The following CDH23 variants were observed in gnomAD, a reference collection of about 807,000 sequenced individuals.
CDH23 encodes cadherin related 23.
CDH23 carries 189 observed loss-of-function variants against 317.1 expected under a neutral mutation model. The ratio of observed to expected loss-of-function variants is 0.60; its 90% CI spans 0.53 to 0.67. The LOEUF (loss-of-function observed/expected upper bound fraction) is 0.67, where lower values mean the gene tolerates loss of function less well. CDH23 is among the 30% of genes least tolerant of loss of function. The probability of loss-of-function intolerance (pLI) is 0.00; values close to 1 mark genes in which losing one functional copy is unlikely to be tolerated. For synonymous variants in CDH23, 1,839 were observed against 1,876.8 expected (o/e 0.98, Z 0.52); for missense variants, 4,401 against 4,592.4 (o/e 0.96, Z 1.20).
chr10:71,733,686 G>A (rs1839464795), intron 32 of CDH23, among the ~76,000 whole-genome samples: 1 of 152,232 alleles, frequency 6.6e-6, no homozygotes, highest in South Asian at 2.1e-4. Flanking sequence ...AGACATAAAT[G>A]CTGGGCTTCA....
chr10:71,677,015 CTCAAAG>C (rs1042982321), intron 15 of CDH23, among the ~76,000 whole-genome samples: 7 of 152,196 alleles, frequency 4.6e-5, no homozygotes, highest in Admixed American at 1.3e-4. Context: ...GGCTCATTTC[CTCAAAG>C]TCAAGGGGCA....
chr10:71,410,524 C>T (rs1468677439), intron 1 of CDH23, among the ~76,000 whole-genome samples: 1 of 152,132 alleles, frequency 6.6e-6, no homozygotes, highest in Non-Finnish European at 1.5e-5. Context: ...CTTAAGGCAA[C>T]TTTTTAAATG....
intron 6 of CDH23, among the ~76,000 whole-genome samples, chr10:71,533,525 C>CCCCACACACACA (rs1249775933): frequency 2.8e-4 from 37 of 130,820 alleles, no homozygotes; most frequent in African/African-American, 1.1e-3. Flanking sequence ...TGGCTGGACA[C>CCCCACACACACA]CACACACACA....
rs1861233269 is a variant in CDH23, at chr10:71,617,201, A to G, written c.946-4A>G. On this transcript the variant is annotated splice_region_variant and splice_polypyrimidine_tract_variant and intron_variant, in intron 10 of 69. Coordinates refer to ENST00000224721, the MANE Select transcript of CDH23 (RefSeq NM_022124.6). ...ACTCCGGGGTGACTGATCTCTGTCC[A>G]TAGGGCACGGAGCTGAACGATGACC... 2 of 1,611,398 alleles carry G rather than the reference A, an allele frequency of 1.2e-6. No homozygotes were observed. The highest frequency in any genetic ancestry group is 1.1e-5 in the South Asian group (1 of 90,960).
At position 71,739,649 on chromosome 10, in the gene CDH23, C is replaced by A. The variant is rs2132844039; in HGVS notation, c.4365C>A (p.Val1455=). 6.2e-7 allele frequency: 1 copy of A among 1,612,896 alleles called. No homozygotes were observed. The highest frequency in any genetic ancestry group is 1.1e-5 in the South Asian group (1 of 90,788). ...ACCCTCTCTTCTCCCCACAGGTGGT[C>A]TTCTCCCTGGCCTCTGGCAACATCG... The part of the protein sequence containing the change: ...DPDAGSNGQV[V]FSLASGNIAG... The change falls in exon 36 of 70, where the codon GTC becomes GTA. Residue 1455 remains valine, a synonymous_variant. Transcript: ENST00000224721.
At chr10:71,721,694 C>T (rs7070583) in intron 28 of CDH23, among the ~76,000 whole-genome samples, 8,249 of 152,258 alleles carry the variant, frequency 0.054, 354 homozygotes, top group African/African-American at 0.11. Context: ...GGATGTGCAT[C>T]GAGGCCAGCG....
intron 66 of CDH23, 38 bp downstream of exon 66, chr10:71,812,053 G>T (rs546057140): frequency 1.2e-6 from 2 of 1,613,936 alleles, no homozygotes; most frequent in Non-Finnish European, 1.7e-6. Flanking sequence ...CCCCTGCGGG[G>T]AGTCCTGCCA....
Position 71,784,917 on chromosome 10 carries a change from C to T in CDH23, c.5529C>T (p.Asp1843=), listed in dbSNP as rs757656235. 2 of 1,614,016 alleles carry T rather than the reference C, an allele frequency of 1.2e-6. No homozygotes were observed. The highest frequency in any genetic ancestry group is 1.7e-6 in the Non-Finnish European group (2 of 1,179,874). ...TGCTGGTGGGGATCCGGGTGCTGGA[C>T]ATCAACGACAACGACCCTGTGCTGC... ...STMLVGIRVL[D]INDNDPVLLN... Residue 1843 remains aspartate, a synonymous_variant, in exon 43 of 70, where the codon GAC becomes GAT. Coordinates refer to ENST00000224721, the MANE Select transcript of CDH23 (RefSeq NM_022124.6).
chr10:71,416,721 G>A (rs1848549157), intron 1 of CDH23, among the ~76,000 whole-genome samples: 1 of 151,752 alleles, frequency 6.6e-6, no homozygotes, highest in Non-Finnish European at 1.5e-5. Context: ...GCTAGAGTGT[G>A]CAGTGGTGTG....
At chr10:71,408,682 G>A (rs1223505330) in intron 1 of CDH23, among the ~76,000 whole-genome samples, 1 of 152,228 alleles carries the variant, frequency 6.6e-6, no homozygotes, top group Admixed American at 6.5e-5. Flanking sequence ...CAGGCCGGAA[G>A]AAGGGAGCCC....
At chr10:71,509,696 G>A (rs375018118) in intron 3 of CDH23, among the ~76,000 whole-genome samples, 14 of 152,310 alleles carry the variant, frequency 9.2e-5, no homozygotes, top group African/African-American at 2.2e-4. Flanking sequence ...ATTGGCTAGC[G>A]CTGACTTATA....
Position 71,800,661 on chromosome 10 carries a change from T to TGGACC in CDH23, c.7391_7395dup (p.Glu2466ThrfsTer10). 1.2e-6 allele frequency: 2 copies of TGGACC among 1,613,998 alleles called. No homozygotes were observed. The highest frequency in any genetic ancestry group is 1.7e-6 in the Non-Finnish European group (2 of 1,179,886). ...GGTGACATCTATGTGCTGTCTTCTC[T>TGGACC]GGACCGGGAGAAGAAGGACCACTAT... On this transcript the variant is annotated frameshift_variant, in exon 53 of 70. Transcript: ENST00000224721. LOFTEE classifies it high-confidence loss of function.
In CDH23 at chr10:71,605,366, C is replaced by T. The variant is rs1054704567; in HGVS notation, c.833-10138C>T. On this transcript the variant is annotated intron_variant, in intron 9 of 69. Coordinates refer to ENST00000224721, the MANE Select transcript of CDH23 (RefSeq NM_022124.6). ...ATTGTGCCTCTCAGGAGACATTTGG[C>T]AATGTCTGGAGATTATTTTGATTGT... Among the ~76,000 whole-genome samples the T allele has an allele frequency of 2.0e-5, 3 of 152,102 alleles. 1 individual carries two copies. In the South Asian group the frequency reaches 6.2e-4, roughly 32 times the overall value.
chr10:71,568,688 A>G (rs1857555798), intron 7 of CDH23, among the ~76,000 whole-genome samples: 1 of 152,094 alleles, frequency 6.6e-6, no homozygotes, highest in Non-Finnish European at 1.5e-5. Flanking sequence ...GCACTTCCCC[A>G]AGGAAGGAGA....
At chr10:71,518,393 G>C (rs773509807) in intron 6 of CDH23, among the ~76,000 whole-genome samples, 3 of 152,218 alleles carry the variant, frequency 2.0e-5, no homozygotes, top group Non-Finnish European at 4.4e-5. Flanking sequence ...TTGCAGGGCT[G>C]AGGCCCTGAT....
chr10:71,578,133 G>A (rs1369971549), intron 9 of CDH23, 141 bp downstream of exon 9: 11 of 798,088 alleles, frequency 1.4e-5, no homozygotes, highest in Non-Finnish European at 2.1e-5. Flanking sequence ...TACAGGGACA[G>A]TCCTCGCCAA....
intron 38 of CDH23, chr10:71,761,929 C>G: frequency 6.2e-7 from 1 of 1,614,066 alleles, no homozygotes; most frequent in South Asian, 1.1e-5. Context: ...GCCCTTTGTC[C>G]ACAGGGCCCA....
chr10:71,754,484 A>T (rs146036932), intron 38 of CDH23, among the ~76,000 whole-genome samples: 2 of 152,294 alleles, frequency 1.3e-5, no homozygotes, highest in East Asian at 3.9e-4. Context: ...GAGGGGAGGC[A>T]AGGGTAAAAA....
rs552135993 is a variant in CDH23, at chr10:71,657,700, C to G, written c.1449+11083C>G. ...TCAGCTCTTCCAGCGCATTCCCCAGCACCCCCCTGCCAGGTATCCTCCCTC... is the reference window on the plus strand; with the variant it reads ...TCAGCTCTTCCAGCGCATTCCCCAGGACCCCCCTGCCAGGTATCCTCCCTC... On this transcript the variant is annotated intron_variant, in intron 14 of 69. Transcript: ENST00000224721. Among the ~76,000 whole-genome samples the G allele has an allele frequency of 3.7e-4, 57 of 152,204 alleles. 1 individual carries two copies. The highest frequency in any genetic ancestry group is 6.8e-4 in the Non-Finnish European group (46 of 68,000).
Sources: allele counts gnomAD v4.1 joint callset (sites outside exome capture counted in the v4.1 genomes callset), GRCh38; gene constraint gnomAD v4.1.1; transcripts MANE v1.5; gene names NCBI Gene and HGNC (gene_info 2026-07-23, HGNC 2026-07-21).